ESF1: variants seen among roughly 807,000 people sequenced by gnomAD.
ESF1 encodes ESF1 nucleolar pre-rRNA processing protein.
Under a neutral mutation model 92.0 loss-of-function variants are expected in ESF1, and 58 were observed. The observed-to-expected ratio is 0.63, with a 90% CI of 0.51 to 0.78. ESF1 has a LOEUF of 0.78. Among genes scored for constraint, ESF1 ranks in the 30% least tolerant of loss-of-function variants. The pLI is 0.00. For synonymous variants in ESF1, 321 were observed against 313.7 expected (o/e 1.02, Z -0.24); for missense variants, 922 against 989.1 (o/e 0.93, Z 0.91).
chr20:13,781,178 A>C (rs1226325955), intron 2 of ESF1, among the ~76,000 whole-genome samples: 2 of 152,216 alleles, frequency 1.3e-5, no homozygotes, highest in East Asian at 3.9e-4. Context: ...ACTTTCTTCT[A>C]CTTTAGATCT....
In ESF1 at chr20:13,718,951, T is replaced by A. The variant is rs773983790; in HGVS notation, c.2072A>T (p.Asp691Val). The A allele has an allele frequency of 1.2e-6, 2 of 1,605,474 alleles. No homozygotes were observed. Among genetic ancestry groups the A allele is most frequent in the Non-Finnish European group, 1.7e-6 (2 of 1,177,570 alleles). Residue 691 changes from aspartate (D) to valine (V), a missense_variant, in exon 12 of 14, where the codon GAT becomes GTT. Asp to Val is a radical substitution (Grantham distance 152). Transcript: ENST00000617257. Reference protein sequence around the residue: ...INKKSVKSAKDGTSPEEEIEI... With the variant: ...INKKSVKSAKVGTSPEEEIEI... ...AATTTCTTCTTCTGGAGATGTGCCA[T>A]CTTTTGCAGATTTTACCGATTTTTT...
At chr20:13,778,768 C>T (rs77453371) in intron 2 of ESF1, among the ~76,000 whole-genome samples, 2,031 of 152,116 alleles carry the variant, frequency 0.013, 51 homozygotes, top group African/African-American at 0.046. Context: ...TATCTGCAGC[C>T]GAGCACAGCT....
chr20:13,772,523 T>C lies in ESF1; in HGVS notation c.1242A>G (p.Glu414=). Residue 414 remains glutamate (E), a synonymous_variant, in exon 5 of 14, where the codon GAA becomes GAG. Coordinates refer to ENST00000617257, the MANE Select transcript of ESF1 (RefSeq NM_001276380.2). ...CTATAGTGATTTAATACCAGTCTTT[T>C]TCTGGGGCATCTTCAGGAATACTTA... ...ELLSIPEDAP[E]KDWTSREKLR... is the part of the protein sequence containing the mutation. 1.2e-6 allele frequency: 2 copies of C among 1,609,236 alleles called. No homozygotes were observed. The highest frequency in any genetic ancestry group is 1.7e-6 in the Non-Finnish European group (2 of 1,176,368).
intron 9 of ESF1, among the ~76,000 whole-genome samples, chr20:13,737,063 C>T (rs57716861): frequency 2.0e-5 from 3 of 152,184 alleles, no homozygotes; most frequent in South Asian, 4.1e-4. Context: ...GGCATAAGTA[C>T]GAGAACATTC....
chr20:13,737,938 G>T (rs1426592882), intron 9 of ESF1, among the ~76,000 whole-genome samples: 1 of 152,200 alleles, frequency 6.6e-6, no homozygotes, highest in Non-Finnish European at 1.5e-5. Context: ...TTACAGGCAT[G>T]AGCCACCACA....
At chr20:13,779,492 G>A (rs1450282296) in intron 2 of ESF1, among the ~76,000 whole-genome samples, 1 of 152,184 alleles carries the variant, frequency 6.6e-6, no homozygotes, top group South Asian at 2.1e-4. Flanking sequence ...ACAGATGTTT[G>A]CATATATTTA....
chr20:13,775,080 G>T, intron 4 of ESF1, 77 bp downstream of exon 4: 1 of 815,752 alleles, frequency 1.2e-6, no homozygotes, highest in Non-Finnish European at 1.8e-6. Context: ...GAAAACTATG[G>T]CCAAAAAAAA....
intron 4 of ESF1, 31 bp from the exon 5 acceptor site, chr20:13,772,646 T>G: frequency 2.1e-6 from 3 of 1,454,040 alleles, no homozygotes; most frequent in Non-Finnish European, 2.9e-6. Flanking sequence ...TCAATGTAAT[T>G]TGTACATTCC....
intron 9 of ESF1, among the ~76,000 whole-genome samples, chr20:13,751,031 G>C (rs566883468): frequency 6.6e-6 from 1 of 152,092 alleles, no homozygotes; most frequent in Non-Finnish European, 1.5e-5. Context: ...ACTCAAAAAC[G>C]TATCTGTGAG....
At chr20:13,765,838 A>G (rs1979403361) in intron 8 of ESF1, among the ~76,000 whole-genome samples, 1 of 152,264 alleles carries the variant, frequency 6.6e-6, no homozygotes, top group African/African-American at 2.4e-5. Context: ...AACTAGGCAC[A>G]CAAATAAACA....
intron 8 of ESF1, 27 bp from the exon 9 acceptor site, chr20:13,759,880 C>T: frequency 6.4e-7 from 1 of 1,564,716 alleles, no homozygotes; most frequent in Non-Finnish European, 8.6e-7. Context: ...TCACTTAATA[C>T]ACAGAAACAA....
At chr20:13,755,213 G>A (rs1297801740) in intron 9 of ESF1, among the ~76,000 whole-genome samples, 1 of 152,152 alleles carries the variant, frequency 6.6e-6, no homozygotes, top group Non-Finnish European at 1.5e-5. Flanking sequence ...AGAGTGCTGA[G>A]TAGAAAAAAG....
At chr20:13,781,858 G>T (rs902645277) in intron 2 of ESF1, among the ~76,000 whole-genome samples, 2 of 151,966 alleles carry the variant, frequency 1.3e-5, no homozygotes, top group African/African-American at 4.8e-5. Context: ...TTTTTGAGAC[G>T]GAGTCCTACT....
At position 13,714,996 on chromosome 20, in the gene ESF1, C is replaced by CT. The variant is rs747458225; in HGVS notation, c.2433dup (p.Glu812ArgfsTer3). The stretch of plus-strand genomic sequence containing the variant: ...TGTGATTCCTTTTCAATCTCACTCT[C>CT]TTTTTTCTTTATTGCCTGAGTAAGT... On this transcript the variant is annotated frameshift_variant, in exon 14 of 14. Transcript: ENST00000617257. LOFTEE classifies it high-confidence loss of function. The CT allele has an allele frequency of 6.8e-6, 11 of 1,613,952 alleles. No homozygotes were observed. The highest frequency in any genetic ancestry group is 1.1e-5 in the South Asian group (1 of 91,070).
At chr20:13,738,250 G>T (rs6042326) in intron 9 of ESF1, among the ~76,000 whole-genome samples, 148,602 of 152,198 alleles carry the variant, frequency 0.98, 72,624 homozygotes, top group East Asian at 1. Context: ...AGATCTGAAG[G>T]GTTTTGAACT....
chr20:13,770,881 A>T (rs1882168968), intron 6 of ESF1, among the ~76,000 whole-genome samples: 1 of 152,206 alleles, frequency 6.6e-6, no homozygotes, highest in South Asian at 2.1e-4. Flanking sequence ...CAATTATTTG[A>T]AATATGACTA....
rs1331302592 is a variant in ESF1 at position 13,783,080 on chromosome 20, T to C, written c.61A>G (p.Arg21Gly). The C allele has an allele frequency of 1.9e-6, 3 of 1,613,804 alleles. No homozygotes were observed. Among genetic ancestry groups the C allele is most frequent in the East Asian group, 2.2e-5 (1 of 44,882 alleles). The change falls in exon 2 of 14, where the codon AGA becomes GGA. Residue 21 changes from arginine (R) to glycine (G), a missense_variant. Transcript: ENST00000617257. The stretch of plus-strand genomic sequence containing the variant: ...TCCTTTTCTGGCATTTCCCAAAATC[T>C]CGGGTCCTTTGCAACCCGTCTAAAC... The part of the protein sequence containing the change: ...QRFRRVAKDP[R>G]FWEMPEKDRK...
At chr20:13,760,000 T>G in intron 8 of ESF1, 147 bp from the exon 9 acceptor site, 1 of 1,310,474 alleles carries the variant, frequency 7.6e-7, no homozygotes, top group Non-Finnish European at 1.0e-6. Context: ...AATGAAAGAC[T>G]TAGGGTCTCA....
In ESF1 at chr20:13,715,017, T is replaced by A. The variant is rs1600260526; in HGVS notation, c.2413A>T (p.Thr805Ser). ...CTCTCTTTTTTCTTTATTGCCTGAGTAAGTTCTTGTTCTTTCCGTTCTCTT... is the reference window on the plus strand; with the variant it reads ...CTCTCTTTTTTCTTTATTGCCTGAGAAAGTTCTTGTTCTTTCCGTTCTCTT... The part of the protein sequence containing the change: ...RQRERKEQEL[T>S]QAIKKKESEI... Residue 805 changes from threonine to serine, a missense_variant, in exon 14 of 14, where the codon ACT becomes TCT. Physicochemically the swap from Thr to Ser is moderately conservative, Grantham distance 58. Transcript: ENST00000617257. 6.2e-7 allele frequency: 1 copy of A among 1,614,034 alleles called. No homozygotes were observed. Among genetic ancestry groups the A allele is most frequent in the Non-Finnish European group, 8.5e-7 (1 of 1,179,998 alleles).
Sources: gnomAD v4.1 joint callset for allele counts (sites outside exome capture counted in the v4.1 genomes callset) on GRCh38, gnomAD v4.1.1 for gene constraint, MANE v1.5 for transcripts, NCBI Gene and HGNC (gene_info 2026-07-23, HGNC 2026-07-21) for gene names.